Variants in KAT6B observed in about 807,000 individuals in gnomAD.
KAT6B encodes histone acetyltransferase KAT6B.
Under a neutral mutation model 187.5 loss-of-function variants are expected in KAT6B, and 10 were observed. That is an observed-to-expected ratio of 0.05 (90% confidence interval 0.03 to 0.09). KAT6B has a LOEUF of 0.09. KAT6B is among the 10% of genes least tolerant of loss of function. The pLI, the probability that KAT6B is intolerant of heterozygous loss-of-function variation, is 1.00. For missense variants in KAT6B, 1,952 were observed against 2,558.9 expected, an observed-to-expected ratio of 0.76 and a Z score of 5.12; for synonymous variants, 861 against 926.8, an observed-to-expected ratio of 0.93 and a Z score of 1.29.
intron 3 of KAT6B, among the ~76,000 whole-genome samples, chr10:74,887,112 A>C (rs1020777528): frequency 2.6e-5 from 4 of 152,128 alleles, no homozygotes; most frequent in African/African-American, 7.2e-5. Flanking sequence ...GCATTTGGGC[A>C]TGTCAGACCA....
At chr10:74,955,384 C>CT (rs1554832516) in intron 3 of KAT6B, among the ~76,000 whole-genome samples, 1 of 10,200 alleles carries the variant, frequency 9.8e-5, no homozygotes, top group African/African-American at 1.6e-4. Flanking sequence ...ACAATTTTAT[C>CT]CCCCCCCCCC....
chr10:74,845,383 G>A (rs1047988558), intron 3 of KAT6B, among the ~76,000 whole-genome samples: 6 of 150,874 alleles, frequency 4.0e-5, no homozygotes, highest in Admixed American at 1.3e-4. Context: ...TTAGGCAGGC[G>A]TGGTGGGGGG....
At chr10:74,943,229 A>C (rs573830682) in intron 3 of KAT6B, among the ~76,000 whole-genome samples, 1 of 152,360 alleles carries the variant, frequency 6.6e-6, no homozygotes, top group Admixed American at 6.5e-5. Flanking sequence ...ATAGCATCAA[A>C]TACTATGAAA....
chr10:74,846,230 GGTT>G (rs1190498308), intron 3 of KAT6B, among the ~76,000 whole-genome samples: 1 of 151,870 alleles, frequency 6.6e-6, no homozygotes, highest in Non-Finnish European at 1.5e-5. Context: ...ATCCTTAGGT[GGTT>G]GTTGTGTTTG....
At chr10:74,966,075 G>A (rs886405341) in intron 4 of KAT6B, among the ~76,000 whole-genome samples, 11 of 152,052 alleles carry the variant, frequency 7.2e-5, no homozygotes, top group African/African-American at 2.7e-4. Context: ...TGACAGGACC[G>A]AGATCCTGGT....
At chr10:75,028,049 A>G (rs1180748605) in intron 17 of KAT6B, among the ~76,000 whole-genome samples, 1 of 152,210 alleles carries the variant, frequency 6.6e-6, no homozygotes, top group African/African-American at 2.4e-5. Context: ...ACAGAGGTTT[A>G]CTTTCTCTAG....
intron 3 of KAT6B, among the ~76,000 whole-genome samples, chr10:74,884,637 G>A (rs556494032): frequency 6.6e-6 from 1 of 151,300 alleles, no homozygotes; most frequent in South Asian, 2.1e-4. Context: ...GGCGTGATCT[G>A]GGCTCACTGC....
intron 3 of KAT6B, among the ~76,000 whole-genome samples, chr10:74,852,620 T>C (rs996100641): frequency 2.6e-5 from 4 of 152,218 alleles, no homozygotes; most frequent in African/African-American, 4.8e-5. Flanking sequence ...CTTTCTATTG[T>C]ACTCTGAGGC....
intron 13 of KAT6B, among the ~76,000 whole-genome samples, chr10:75,004,573 G>A (rs191042251): frequency 1.3e-5 from 2 of 152,312 alleles, no homozygotes; most frequent in Admixed American, 1.3e-4. Flanking sequence ...GAAGTAGAGG[G>A]TCAGACACAA....
intron 3 of KAT6B, among the ~76,000 whole-genome samples, chr10:74,942,003 AG>A (rs1346455488): frequency 6.6e-6 from 1 of 152,168 alleles, no homozygotes; most frequent in Non-Finnish European, 1.5e-5. Context: ...TACAAAAATT[AG>A]CCAGGCATGG....
intron 3 of KAT6B, among the ~76,000 whole-genome samples, chr10:74,915,350 A>G (rs1847596301): frequency 6.6e-6 from 1 of 152,144 alleles, no homozygotes; most frequent in African/African-American, 2.4e-5. Context: ...GCCATGTTCC[A>G]TGCACTTGTA....
At chr10:74,946,564 A>G (rs1193212485) in intron 3 of KAT6B, among the ~76,000 whole-genome samples, 1 of 152,262 alleles carries the variant, frequency 6.6e-6, no homozygotes, top group African/African-American at 2.4e-5. Context: ...TTAATGAAAT[A>G]CTGACAGATA....
At chr10:74,959,155 C>A (rs1840912093) in intron 3 of KAT6B, among the ~76,000 whole-genome samples, 1 of 152,050 alleles carries the variant, frequency 6.6e-6, no homozygotes, top group African/African-American at 2.4e-5. Context: ...GGCACAAAAG[C>A]CTTGTTAATA....
At position 74,843,405 on chromosome 10, in the gene KAT6B, G is replaced by T. The variant is rs1198412999; in HGVS notation, c.548G>T (p.Gly183Val). 3 of 1,613,798 alleles carry T rather than the reference G, an allele frequency of 1.9e-6. No individual in the cohort carries two copies. Among genetic ancestry groups the T allele is most frequent in the East Asian group, 4.5e-5 (2 of 44,902 alleles). ...RVNYGSLDGK[G>V]APQYPSAFPS... ...AATTATGGGAGCTTAGATGGCAAAG[G>T]GGCACCTCAGTATCCCAGTGCATTC... Residue 183 changes from glycine to valine, a missense_variant, in exon 3 of 18, where the codon GGG becomes GTG. Transcript: ENST00000287239.
At chr10:74,831,971 T>C (rs1332610638) in intron 1 of KAT6B, among the ~76,000 whole-genome samples, 4 of 152,232 alleles carry the variant, frequency 2.6e-5, no homozygotes, top group Non-Finnish European at 5.9e-5. Flanking sequence ...TGTTTTTTGA[T>C]AACATCCAAA....
intron 3 of KAT6B, among the ~76,000 whole-genome samples, chr10:74,937,632 A>G (rs557042192): frequency 6.6e-6 from 1 of 152,356 alleles, no homozygotes; most frequent in East Asian, 1.9e-4. Flanking sequence ...AGACAGGGTA[A>G]TGCAATGGTT....
At chr10:74,913,899 T>A (rs1421969621) in intron 3 of KAT6B, among the ~76,000 whole-genome samples, 1 of 152,132 alleles carries the variant, frequency 6.6e-6, no homozygotes, top group East Asian at 1.9e-4. Flanking sequence ...GCCTTAAGTA[T>A]TACTGGCTGG....
intron 3 of KAT6B, among the ~76,000 whole-genome samples, chr10:74,935,390 ATT>A (rs34132437): frequency 1.3e-5 from 2 of 148,830 alleles, no homozygotes; most frequent in African/African-American, 4.9e-5. Context: ...TTTTTTTTTC[ATT>A]TTTTTTTTGA....
rs775207464 is a variant in KAT6B, at chr10:74,975,651, T to C, written c.1314T>C (p.Leu438=). ...AAACCAAAGGGCTCATTGATGGCCT[T>C]ACTAAGTTTTTTACACCATCACCTG... ...NKKTKGLIDG[L]TKFFTPSPDG... Residue 438 remains leucine, a synonymous_variant, in exon 8 of 18, where the codon CTT becomes CTC. Coordinates refer to ENST00000287239, the MANE Select transcript of KAT6B (RefSeq NM_012330.4). 6 of 1,614,020 alleles carry C rather than the reference T, an allele frequency of 3.7e-6. No homozygotes were observed. Among genetic ancestry groups the C allele is most frequent in the Non-Finnish European group, 4.2e-6 (5 of 1,180,034 alleles).
Sources: allele counts gnomAD v4.1 joint callset (sites outside exome capture counted in the v4.1 genomes callset), GRCh38; gene constraint gnomAD v4.1.1; transcripts MANE v1.5; gene names NCBI Gene and HGNC (gene_info 2026-07-23, HGNC 2026-07-21).